CIAO2A: variants seen among roughly 807,000 people sequenced by gnomAD.
CIAO2A encodes cytosolic iron-sulfur assembly component 2A.
Under a neutral mutation model 22.4 loss-of-function variants are expected in CIAO2A, and 17 were observed. The ratio of observed to expected loss-of-function variants is 0.76; its 90% CI spans 0.52 to 1.14. The LOEUF (loss-of-function observed/expected upper bound fraction) is 1.14. Ranked by LOEUF, CIAO2A falls within the 50% of genes most tolerant of loss-of-function variation. CIAO2A has a pLI of 0.00. For missense variants in CIAO2A, 192 were observed against 191.4 expected (o/e 1.00, Z -0.02); for synonymous variants, 74 against 72.3 (o/e 1.02, Z -0.12).
intron 1 of CIAO2A, among the ~76,000 whole-genome samples, chr15:64,090,764 G>A (rs1323896621): frequency 6.6e-6 from 1 of 152,202 alleles, no homozygotes; most frequent in Non-Finnish European, 1.5e-5. Context: ...GGCCTTAGCT[G>A]GGAAGGGAGG....
intron 2 of CIAO2A, among the ~76,000 whole-genome samples, chr15:64,086,174 C>T (rs530968520): frequency 1.7e-4 from 25 of 151,464 alleles, no homozygotes; most frequent in East Asian, 2.0e-4. Context: ...TTTGGGAGGC[C>T]GAGGTGGGCA....
chr15:64,085,203 T>C (rs1464622502), intron 2 of CIAO2A, among the ~76,000 whole-genome samples: 3 of 152,250 alleles, frequency 2.0e-5, no homozygotes, highest in Non-Finnish European at 4.4e-5. Context: ...GATGTACCAA[T>C]ATGATTAGCA....
At chr15:64,086,274 T>C (rs959394854) in intron 2 of CIAO2A, among the ~76,000 whole-genome samples, 9 of 151,216 alleles carry the variant, frequency 6.0e-5, no homozygotes, top group African/African-American at 1.5e-4. Flanking sequence ...TAGCCAGGCA[T>C]GGTGGCGGGC....
chr15:64,079,346 G>C (rs1024322566), intron 3 of CIAO2A, among the ~76,000 whole-genome samples: 1 of 152,114 alleles, frequency 6.6e-6, no homozygotes, highest in African/African-American at 2.4e-5. Flanking sequence ...TTTGAGACTA[G>C]CTTGGGCAAC....
intron 3 of CIAO2A, among the ~76,000 whole-genome samples, chr15:64,076,841 C>G (rs12903015): frequency 6.6e-6 from 1 of 151,464 alleles, no homozygotes; most frequent in Non-Finnish European, 1.5e-5. Context: ...CCTCCCACCT[C>G]AGCTCCCACA....
At chr15:64,075,330 T>C in intron 4 of CIAO2A, 162 bp downstream of exon 4, 1 of 528,516 alleles carries the variant, frequency 1.9e-6, no homozygotes, top group South Asian at 2.7e-5. Flanking sequence ...AATTACTTCT[T>C]TGAAATGCCT....
At chr15:64,075,728 G>A (rs766079099) in intron 3 of CIAO2A, among the ~76,000 whole-genome samples, 191 bp from the exon 4 acceptor site, 2 of 149,948 alleles carry the variant, frequency 1.3e-5, no homozygotes, top group Non-Finnish European at 3.0e-5. Context: ...TCGGCTCACT[G>A]CAACCTCCGC....
At chr15:64,092,575 C>T (rs2080848959) in intron 1 of CIAO2A, among the ~76,000 whole-genome samples, 1 of 152,194 alleles carries the variant, frequency 6.6e-6, no homozygotes, top group South Asian at 2.1e-4. Context: ...CAGTGCCCTA[C>T]CATCCCTAGA....
intron 4 of CIAO2A, chr15:64,075,222 C>T (rs1312386823): frequency 3.7e-6 from 1 of 271,390 alleles, no homozygotes; most frequent in Non-Finnish European, 6.9e-6. Context: ...GCTCATAAGT[C>T]AAGGTCCCCA....
Position 64,085,036 on chromosome 15 carries a change from G to GAGCCAAGAATGT in CIAO2A, c.289+3650_289+3651insACATTCTTGGCT, listed in dbSNP as rs71133406. On this transcript the variant is annotated intron_variant, in intron 2 of 4. Transcript: ENST00000300030. ...GAACCTGGGAGGTGGAAGCTCCAGT[G>GAGCCAAGAATGT]GCCACTACACTCCAGCCTGGCCAAT... Among the ~76,000 whole-genome samples the GAGCCAAGAATGT allele has an allele frequency of 1.7e-4, 25 of 150,892 alleles. No homozygotes were observed. In the East Asian group the frequency reaches 2.7e-3, roughly 16 times the overall value.
rs61240135 is a variant in CIAO2A, at chr15:64,083,222, T to C, written c.290-2071A>G. On this transcript the variant is annotated intron_variant, in intron 2 of 4. Coordinates refer to ENST00000300030, the MANE Select transcript of CIAO2A (RefSeq NM_032231.7). ...AGTAAAAAATAATAGTATAAAATAT[T>C]ACTATTTTATACTATTTTATAATTT... 6.6e-3 allele frequency among the ~76,000 whole-genome samples: 1,001 copies of C among 151,558 alleles called. 10 individuals carry two copies. Among genetic ancestry groups the C allele is most frequent in the African/African-American group, 0.017 (688 of 41,394 alleles).
At chr15:64,080,110 G>A (rs1212495585) in intron 3 of CIAO2A, among the ~76,000 whole-genome samples, 1 of 152,138 alleles carries the variant, frequency 6.6e-6, no homozygotes, top group African/African-American at 2.4e-5. Context: ...ATGACAGCAG[G>A]GTGCAGTGGC....
chr15:64,081,697 C>A (rs1413596657), intron 2 of CIAO2A, among the ~76,000 whole-genome samples: 1 of 152,002 alleles, frequency 6.6e-6, no homozygotes, highest in Non-Finnish European at 1.5e-5. Context: ...CCACCACACC[C>A]AGTTAATTTT....
chr15:64,075,382 GC>G, intron 4 of CIAO2A, 109 bp downstream of exon 4: 1 of 658,780 alleles, frequency 1.5e-6, no homozygotes, highest in Non-Finnish European at 2.5e-6. Flanking sequence ...AACCAATTGT[GC>G]ACTTTTTTGA....
At chr15:64,088,377 G>A (rs1166496025) in intron 2 of CIAO2A, among the ~76,000 whole-genome samples, 1 of 152,210 alleles carries the variant, frequency 6.6e-6, no homozygotes, top group East Asian at 1.9e-4. Flanking sequence ...TAAAGGAGAA[G>A]TGGAGTCAGG....
intron 1 of CIAO2A, among the ~76,000 whole-genome samples, chr15:64,091,527 T>C (rs1349054351): frequency 2.0e-5 from 3 of 150,626 alleles, no homozygotes; most frequent in Non-Finnish European, 4.4e-5. Context: ...TTGGAAAACA[T>C]AGGCAAGAAA....
intron 1 of CIAO2A, 140 bp downstream of exon 1, chr15:64,093,505 A>C: frequency 2.9e-6 from 3 of 1,036,470 alleles, no homozygotes; most frequent in Non-Finnish European, 4.1e-6. Flanking sequence ...CCCGGACAAG[A>C]TCTGGCCAAA....
chr15:64,092,063 C>CAAAAAAAAA (rs35475525), intron 1 of CIAO2A, among the ~76,000 whole-genome samples: 2 of 63,718 alleles, frequency 3.1e-5, no homozygotes, highest in Non-Finnish European at 6.3e-5. Context: ...GACCCTGTCT[C>CAAAAAAAAA]AAAAAAAAAA....
chr15:64,077,069 T>C (rs2080723943), intron 3 of CIAO2A, among the ~76,000 whole-genome samples: 1 of 151,942 alleles, frequency 6.6e-6, no homozygotes, highest in Non-Finnish European at 1.5e-5. Flanking sequence ...TCCCAGCAAT[T>C]TGGGAGGCCG....
Sources: allele counts gnomAD v4.1 joint callset (sites outside exome capture counted in the v4.1 genomes callset), GRCh38; gene constraint gnomAD v4.1.1; transcripts MANE v1.5; gene names NCBI Gene and HGNC (gene_info 2026-07-23, HGNC 2026-07-21).